RIN2: variants seen among roughly 807,000 people sequenced by gnomAD.
RIN2 encodes RAB5 interacting protein 2.
RIN2 carries 36 observed loss-of-function variants against 78.0 expected under a neutral mutation model. The ratio of observed to expected loss-of-function variants is 0.46; its 90% confidence interval spans 0.35 to 0.61. The LOEUF is 0.61. RIN2 is among the 20% of genes least tolerant of loss of function. The probability of loss-of-function intolerance (pLI) is 0.00; values close to 1 mark genes in which losing one functional copy is unlikely to be tolerated. For synonymous variants in RIN2, 466 were observed against 466.8 expected, an observed-to-expected ratio of 1.00 and a Z score of 0.02; for missense variants, 1,087 against 1,159.7, an observed-to-expected ratio of 0.94 and a Z score of 0.91.
chr20:19,869,792 TTTTATTTA>T lies in RIN2; in HGVS notation c.-36-19739_-36-19732del, dbSNP rs71198030. Among the ~76,000 whole-genome samples, 1,052 of 136,440 alleles carry T rather than the reference TTTTATTTA, an allele frequency of 7.7e-3. 8 individuals are homozygous for T. Among genetic ancestry groups the T allele is most frequent in the Admixed American group, 0.016 (221 of 13,420 alleles). 89.5% of individuals were successfully genotyped at this position (136,440 alleles called of 152,430 possible). A position where few individuals can be genotyped will look rare whatever the true frequency, so the allele number is the denominator to read the frequency against. On this transcript the variant is annotated intron_variant, in intron 2 of 12. Coordinates refer to ENST00000255006, the MANE Select transcript of RIN2 (RefSeq NM_018993.4). ...GGTGTGCACCACCATGCCTGGCTAA[TTTTATTTA>T]TTTATTTATTTATTTATTTATTTAT...
chr20:19,784,503 A>G (rs1373695576), intron 1 of RIN2, among the ~76,000 whole-genome samples: 1 of 150,000 alleles, frequency 6.7e-6, no homozygotes, highest in Non-Finnish European at 1.5e-5. Flanking sequence ...GGAACTCTGA[A>G]TTTCAGTAGA....
chr20:19,956,848 G>A (rs763104276), intron 5 of RIN2, 41 bp downstream of exon 5: 2 of 1,458,456 alleles, frequency 1.4e-6, no homozygotes, highest in Non-Finnish European at 1.8e-6. Flanking sequence ...AAGCAGGCAG[G>A]ACTGCTGCCG....
At chr20:19,991,888 C>T (rs1190546777) in intron 10 of RIN2, among the ~76,000 whole-genome samples, 1 of 152,188 alleles carries the variant, frequency 6.6e-6, no homozygotes, top group Non-Finnish European at 1.5e-5. Context: ...GTATTCTGTT[C>T]TATCACATAA....
chr20:19,826,975 G>GT (rs11482314), intron 2 of RIN2, among the ~76,000 whole-genome samples: 59,922 of 128,522 alleles, frequency 0.47, 15,395 homozygotes, highest in African/African-American at 0.69. Flanking sequence ...TTGGTTTTGG[G>GT]TTTTTTTTTT....
intron 1 of RIN2, among the ~76,000 whole-genome samples, chr20:19,785,940 T>C (rs1195991313): frequency 2.0e-5 from 3 of 152,248 alleles, no homozygotes; most frequent in African/African-American, 7.2e-5. Context: ...TGTGATAGTT[T>C]CTTCCCTGCC....
intron 2 of RIN2, chr20:19,886,886 G>A (rs1432460710): frequency 1.6e-6 from 1 of 633,782 alleles, no homozygotes; most frequent in African/African-American, 1.9e-5. Flanking sequence ...GTGAAGAGAA[G>A]TTATCGTTTT....
chr20:19,790,629 T>TA (rs1354419771), intron 1 of RIN2, among the ~76,000 whole-genome samples: 1 of 151,970 alleles, frequency 6.6e-6, no homozygotes, highest in Non-Finnish European at 1.5e-5. Flanking sequence ...ACCCCAGCAG[T>TA]AAAAAAATTA....
intron 9 of RIN2, among the ~76,000 whole-genome samples, chr20:19,978,637 C>T (rs906430126): frequency 2.6e-5 from 4 of 152,208 alleles, no homozygotes; most frequent in African/African-American, 9.6e-5. Context: ...TGGAGCACTT[C>T]CAACCAAAAG....
chr20:19,889,000 C>T (rs979672820), intron 2 of RIN2: 5 of 388,858 alleles, frequency 1.3e-5, no homozygotes, highest in African/African-American at 2.2e-5. Flanking sequence ...TGTCCTCTTC[C>T]GTGAACTGAT....
intron 2 of RIN2, among the ~76,000 whole-genome samples, chr20:19,807,886 C>A (rs2035456995): frequency 6.6e-6 from 1 of 152,102 alleles, no homozygotes; most frequent in South Asian, 2.1e-4. Flanking sequence ...AATTTGCAGC[C>A]TTAAATTTAC....
chr20:19,870,916 G>T (rs2037672892), intron 2 of RIN2, among the ~76,000 whole-genome samples: 1 of 152,192 alleles, frequency 6.6e-6, no homozygotes, highest in Admixed American at 6.5e-5. Flanking sequence ...CCTGGACAAG[G>T]TGTTGCCTAA....
intron 3 of RIN2, 139 bp downstream of exon 3, chr20:19,889,797 G>C (rs2038361591): frequency 1.7e-6 from 1 of 604,824 alleles, no homozygotes; most frequent in African/African-American, 1.9e-5. Context: ...GAGCCCAGCT[G>C]CTGATTGTTA....
At chr20:19,820,171 G>C (rs370812836) in intron 2 of RIN2, among the ~76,000 whole-genome samples, 1 of 152,172 alleles carries the variant, frequency 6.6e-6, no homozygotes, top group Non-Finnish European at 1.5e-5. Context: ...TGCTAATCCT[G>C]TTGATTTTAA....
At chr20:19,775,930 C>T (rs1216226779) in intron 1 of RIN2, among the ~76,000 whole-genome samples, 1 of 152,242 alleles carries the variant, frequency 6.6e-6, no homozygotes, top group East Asian at 1.9e-4. Context: ...TTTACAGTTT[C>T]CTTCTCAAAT....
At chr20:19,926,381 A>G (rs2040222452) in intron 3 of RIN2, among the ~76,000 whole-genome samples, 1 of 152,092 alleles carries the variant, frequency 6.6e-6, no homozygotes, top group Non-Finnish European at 1.5e-5. Flanking sequence ...TGCTTGCATC[A>G]TTGTCCAGGT....
At chr20:19,992,113 T>C in intron 10 of RIN2, 55 bp from the exon 11 acceptor site, 1 of 1,585,456 alleles carries the variant, frequency 6.3e-7, no homozygotes, top group Non-Finnish European at 8.6e-7. Context: ...AAGAAGGATG[T>C]GAAAGAAAGA....
intron 1 of RIN2, among the ~76,000 whole-genome samples, chr20:19,762,144 C>G (rs1230442549): frequency 1.3e-5 from 2 of 152,166 alleles, no homozygotes; most frequent in Admixed American, 6.5e-5. Flanking sequence ...GGAACAGAAG[C>G]CTGCTAACAG....
intron 3 of RIN2, among the ~76,000 whole-genome samples, chr20:19,929,746 C>A (rs371716344): frequency 2.6e-5 from 4 of 152,136 alleles, no homozygotes; most frequent in Admixed American, 6.5e-5. Flanking sequence ...TTATTTCTGC[C>A]CTCAAAGAAG....
chr20:19,857,041 T>C (rs2037191296), intron 2 of RIN2, among the ~76,000 whole-genome samples: 1 of 152,216 alleles, frequency 6.6e-6, no homozygotes, highest in Non-Finnish European at 1.5e-5. Context: ...CAGTGAACTT[T>C]AGGCAGAGAC....
Sources: gnomAD v4.1 joint callset for allele counts (sites outside exome capture counted in the v4.1 genomes callset) on GRCh38, gnomAD v4.1.1 for gene constraint, MANE v1.5 for transcripts, NCBI Gene and HGNC (gene_info 2026-07-23, HGNC 2026-07-21) for gene names.